ANKRD11: variants seen among roughly 807,000 people sequenced by gnomAD.
The protein encoded by ANKRD11 is ankyrin repeat domain-containing protein 11.
Under a neutral mutation model 195.7 loss-of-function variants are expected in ANKRD11, and 17 were observed. The ratio of observed to expected loss-of-function variants is 0.09; its 90% confidence interval spans 0.06 to 0.13. The LOEUF is 0.13. Ranked by LOEUF, ANKRD11 falls within the 10% of genes least tolerant of loss-of-function variation. The pLI, the probability that ANKRD11 is intolerant of heterozygous loss-of-function variation, is 1.00. For missense variants in ANKRD11, 3,735 were observed against 3,566.1 expected (o/e 1.05, Z -1.21); for synonymous variants, 1,953 against 1,528.1 (o/e 1.28, Z -6.49).
At chr16:89,342,198 G>A (rs75540348) in intron 2 of ANKRD11, among the ~76,000 whole-genome samples, 2,252 of 152,356 alleles carry the variant, frequency 0.015, 48 homozygotes, top group African/African-American at 0.051. Flanking sequence ...CTGACAGGTA[G>A]GTCTCCACCA....
chr16:89,407,655 T>G (rs557020774), intron 2 of ANKRD11, among the ~76,000 whole-genome samples: 1 of 151,924 alleles, frequency 6.6e-6, no homozygotes, highest in African/African-American at 2.4e-5. Context: ...ACGCCGTCTC[T>G]ATCAAACACA....
intron 2 of ANKRD11, among the ~76,000 whole-genome samples, chr16:89,378,645 C>T (rs886498574): frequency 1.3e-5 from 2 of 152,190 alleles, no homozygotes; most frequent in East Asian, 1.9e-4. Flanking sequence ...TTTGAAGACA[C>T]TGGTGTACAC....
intron 2 of ANKRD11, among the ~76,000 whole-genome samples, chr16:89,365,759 T>A (rs562990332): frequency 1.3e-5 from 2 of 152,250 alleles, no homozygotes; most frequent in South Asian, 4.2e-4. Flanking sequence ...GTTTGTTACG[T>A]AGGTAAACTT....
chr16:89,290,588 G>T, intron 6 of ANKRD11, 37 bp downstream of exon 6: 1 of 1,604,646 alleles, frequency 6.2e-7, no homozygotes. Context: ...GGGCTCCAGT[G>T]GGGCTCTCTG....
intron 2 of ANKRD11, among the ~76,000 whole-genome samples, chr16:89,319,428 G>A (rs1350875659): frequency 1.3e-5 from 2 of 152,210 alleles, no homozygotes; most frequent in African/African-American, 4.8e-5. Context: ...GCATCACAGC[G>A]AACACTCCGG....
intron 10 of ANKRD11, 58 bp downstream of exon 10, chr16:89,275,035 G>T: frequency 6.2e-7 from 1 of 1,612,838 alleles, no homozygotes; most frequent in Non-Finnish European, 8.5e-7. Context: ...AGCCCCTGGG[G>T]CCTGCGCCGT....
intron 7 of ANKRD11, chr16:89,286,458 T>G (rs549908953): frequency 2.6e-5 from 15 of 578,280 alleles, no homozygotes; most frequent in Non-Finnish European, 4.1e-5. Flanking sequence ...TCTGCCTCCT[T>G]TGGATTTTTT....
At chr16:89,275,014 G>A (rs2033522404) in intron 10 of ANKRD11, 57 bp from the exon 11 acceptor site, 1 of 1,612,040 alleles carries the variant, frequency 6.2e-7, no homozygotes, top group Non-Finnish European at 8.5e-7. Context: ...AGGCCCCACT[G>A]TCAACACGAC....
chr16:89,336,226 C>G (rs3096319), intron 2 of ANKRD11, among the ~76,000 whole-genome samples: 83,617 of 152,078 alleles, frequency 0.55, 23,523 homozygotes, highest in African/African-American at 0.68. Context: ...TTGAGGGGTT[C>G]AGGCAAGAGC....
rs1165680827 is a variant in ANKRD11 at position 89,337,429 on chromosome 16, C to CTTTTTTTTTTTTTTTTTTTTT, written c.-59-20372_-59-20352dup. Among the ~76,000 whole-genome samples the CTTTTTTTTTTTTTTTTTTTTT allele has an allele frequency of 5.6e-5, 3 of 53,134 alleles. 1 individual carries two copies. The highest frequency in any genetic ancestry group is 8.2e-5 in the African/African-American group (1 of 12,218). The allele number at this position is 53,134 out of a possible 152,430, so 34.9% of individuals were successfully genotyped here. On this transcript the variant is annotated intron_variant, in intron 2 of 12. Coordinates refer to ENST00000301030, the MANE Select transcript of ANKRD11 (RefSeq NM_013275.6). The stretch of plus-strand genomic sequence containing the variant: ...ATACATGAACATGGTCTAAGCAATT[C>CTTTTTTTTTTTTTTTTTTTTT]TTTTTTTTTTTTTTTTTTTTTTTTT...
In ANKRD11 at chr16:89,459,680, C is replaced by A. The variant is rs1476757019; in HGVS notation, c.-145+30565G>T. The stretch of plus-strand genomic sequence containing the variant: ...TAAAAAGGTTTAAAAAAATAAAATT[C>A]AGGAACAGTGGCCCATGCTTGTAAT... On this transcript the variant is annotated intron_variant, in intron 1 of 12. Coordinates refer to ENST00000301030, the MANE Select transcript of ANKRD11 (RefSeq NM_013275.6). 6.6e-5 allele frequency among the ~76,000 whole-genome samples: 10 copies of A among 152,112 alleles called. No homozygotes were observed. The South Asian group carries it at 1.4e-3, about 22-fold the overall frequency.
chr16:89,407,775 A>T (rs540549881), intron 2 of ANKRD11, among the ~76,000 whole-genome samples: 2 of 149,754 alleles, frequency 1.3e-5, no homozygotes, highest in Non-Finnish European at 1.5e-5. Context: ...GCTTGAGCCC[A>T]GGAGGCAGAG....
chr16:89,291,617 TA>T lies in ANKRD11; in HGVS notation c.227-435del. 1 of 1,186,792 alleles carries T rather than the reference TA, an allele frequency of 8.4e-7. No homozygotes were observed. The highest frequency in any genetic ancestry group is 1.6e-5 in the African/African-American group (1 of 63,904). 73.5% of individuals were successfully genotyped at this position (1,186,792 alleles called of 1,614,324 possible). On this transcript the variant is annotated intron_variant, in intron 4 of 12. Transcript: ENST00000301030. The surrounding 1 kb of genome is among the most constrained non-coding windows in gnomAD (Gnocchi z 5.3). The stretch of plus-strand genomic sequence containing the variant: ...CCGTCCCTCCTCCAAACAGTGCAGA[TA>T]TAAAATGGCAGACACAGTTTAAAAC...
chr16:89,444,787 TA>T (rs1225991980), intron 1 of ANKRD11, among the ~76,000 whole-genome samples: 2 of 151,356 alleles, frequency 1.3e-5, no homozygotes, highest in Non-Finnish European at 2.9e-5. Context: ...CTGTTATAAA[TA>T]AATAAATAAA....
At chr16:89,440,312 C>A (rs532729325) in intron 1 of ANKRD11, among the ~76,000 whole-genome samples, 1 of 152,212 alleles carries the variant, frequency 6.6e-6, no homozygotes, top group East Asian at 1.9e-4. Flanking sequence ...AAGCAGACCA[C>A]CAGAAAATGT....
chr16:89,411,127 A>AGGC (rs2042094956), intron 2 of ANKRD11, among the ~76,000 whole-genome samples: 1 of 152,268 alleles, frequency 6.6e-6, no homozygotes, highest in Non-Finnish European at 1.5e-5. Context: ...CCAGGGCAGA[A>AGGC]GGCAGCAGCA....
chr16:89,486,892 C>A (rs549398022), intron 1 of ANKRD11, among the ~76,000 whole-genome samples: 17 of 151,820 alleles, frequency 1.1e-4, no homozygotes, highest in Middle Eastern at 3.4e-3. Context: ...GTCTGTAATC[C>A]CAGCTACTTG....
At chr16:89,441,586 T>G (rs914915886) in intron 1 of ANKRD11, among the ~76,000 whole-genome samples, 1 of 151,594 alleles carries the variant, frequency 6.6e-6, no homozygotes, top group Non-Finnish European at 1.5e-5. Flanking sequence ...GCTAACATGG[T>G]AAAACCCCAC....
chr16:89,299,936 G>A (rs1597523499), intron 4 of ANKRD11: 2 of 191,696 alleles, frequency 1.0e-5, no homozygotes, highest in African/African-American at 3.5e-5. Flanking sequence ...CCTGTGTGTG[G>A]TGCATGGGGT....
Sources: gnomAD v4.1 joint callset for allele counts (sites outside exome capture counted in the v4.1 genomes callset) on GRCh38, gnomAD v4.1.1 for gene constraint, Gnocchi (gnomAD v3.1) non-coding constraint, MANE v1.5 for transcripts, NCBI Gene and HGNC (gene_info 2026-07-23, HGNC 2026-07-21) for gene names.